The following PGPEP1 variants were observed in gnomAD, a reference collection of about 807,000 sequenced individuals.
PGPEP1 encodes the protein pyroglutamyl-peptidase 1.
PGPEP1 carries 15 observed loss-of-function variants against 24.1 expected under a neutral mutation model. The ratio of observed to expected loss-of-function variants is 0.62; its 90% CI spans 0.42 to 0.96. PGPEP1 has a LOEUF of 0.96. Among genes scored for constraint, PGPEP1 ranks in the 40% least tolerant of loss-of-function variants. The probability of loss-of-function intolerance (pLI) is 0.00; values close to 1 mark genes in which losing one functional copy is unlikely to be tolerated. For synonymous variants in PGPEP1, 122 were observed against 116.4 expected (o/e 1.05, Z -0.31); for missense variants, 242 against 273.4 (o/e 0.89, Z 0.81).
intron 1 of PGPEP1, among the ~76,000 whole-genome samples, chr19:18,342,151 C>T (rs767718994): frequency 5.9e-5 from 9 of 152,124 alleles, no homozygotes; most frequent in Non-Finnish European, 1.0e-4. Flanking sequence ...TCAGGTGATC[C>T]GCCCGCCTTG....
chr19:18,345,975 GA>G (rs1490970883), intron 2 of PGPEP1, among the ~76,000 whole-genome samples: 1 of 150,800 alleles, frequency 6.6e-6, no homozygotes, highest in East Asian at 1.9e-4. Context: ...GTGACAAAGC[GA>G]GACTCTGTCT....
At chr19:18,342,310 G>A (rs1970693676) in intron 1 of PGPEP1, among the ~76,000 whole-genome samples, 1 of 152,072 alleles carries the variant, frequency 6.6e-6, no homozygotes, top group African/African-American at 2.4e-5. Context: ...CTGGAAACTG[G>A]GCCTAGGAAA....
At chr19:18,343,978 C>T (rs545462230) in intron 2 of PGPEP1, among the ~76,000 whole-genome samples, 2 of 152,088 alleles carry the variant, frequency 1.3e-5, no homozygotes, top group South Asian at 4.2e-4. Context: ...GCCACTACCC[C>T]CGGCCAGGAT....
At chr19:18,353,803 G>T (rs1971106257) in intron 2 of PGPEP1, among the ~76,000 whole-genome samples, 1 of 152,112 alleles carries the variant, frequency 6.6e-6, no homozygotes, top group African/African-American at 2.4e-5. Flanking sequence ...CATCCACATT[G>T]TACCACGGAT....
intron 4 of PGPEP1, chr19:18,357,981 A>G (rs1421451638): frequency 2.5e-5 from 7 of 284,028 alleles, no homozygotes; most frequent in African/African-American, 1.3e-4. Context: ...GTGGTTTCAT[A>G]TAACAGAAAT....
chr19:18,341,286 C>T (rs1049755664), intron 1 of PGPEP1, among the ~76,000 whole-genome samples: 1 of 152,200 alleles, frequency 6.6e-6, no homozygotes, highest in Non-Finnish European at 1.5e-5. Flanking sequence ...GGACTGTCTT[C>T]AGCGGAAACC....
At chr19:18,362,048 TG>T in intron 4 of PGPEP1, 1 of 179,204 alleles carries the variant, frequency 5.6e-6, no homozygotes, top group Non-Finnish European at 1.1e-5. Context: ...CATAATACGA[TG>T]GGGAGCATCC....
Position 18,342,929 on chromosome 19 carries a change from G to T in PGPEP1, c.87+18G>T, listed in dbSNP as rs1327479014. On this transcript the variant is annotated intron_variant, in intron 2 of 4. Coordinates refer to ENST00000269919, the MANE Select transcript of PGPEP1 (RefSeq NM_017712.4). Reference sequence around the variant, plus strand: ...CAGTTCAGGTAACTTAGATCCGGAGGGTGGGAGTCAGGCTTGGAGCTGGGC... The same window carrying T: ...CAGTTCAGGTAACTTAGATCCGGAGTGTGGGAGTCAGGCTTGGAGCTGGGC... 6.2e-7 allele frequency: 1 copy of T among 1,605,998 alleles called. No individual in the cohort carries two copies. The highest frequency in any genetic ancestry group is 1.3e-5 in the African/African-American group (1 of 74,724).
rs1400886320 is a variant in PGPEP1 at position 18,369,430 on chromosome 19, G to C, written c.*5847G>C. 6.6e-6 allele frequency: 1 copy of C among 152,512 alleles called. No individual in the cohort carries two copies. Among genetic ancestry groups the C allele is most frequent in the East Asian group, 1.9e-4 (1 of 5,206 alleles). The allele number at this position is 152,512 out of a possible 1,614,324, so 9.4% of individuals were successfully genotyped here. A position where few individuals can be genotyped will look rare whatever the true frequency, so the allele number is the denominator to read the frequency against. On this transcript the variant is annotated 3_prime_UTR_variant, in exon 5 of 5. Transcript: ENST00000269919. Reference sequence around the variant, plus strand: ...AGTGGCCGTGGCTCCTGACGATCCAGACCAGCGTCTGGCCCAAGCCATTCA... The same window carrying C: ...AGTGGCCGTGGCTCCTGACGATCCACACCAGCGTCTGGCCCAAGCCATTCA...
At chr19:18,346,633 CTTTTTTTTT>C (rs775309565) in intron 2 of PGPEP1, among the ~76,000 whole-genome samples, 14 of 79,534 alleles carry the variant, frequency 1.8e-4, no homozygotes, top group African/African-American at 5.6e-4. Context: ...CTGTTTCTCT[CTTTTTTTTT>C]TTTTTTTTTT....
chr19:18,355,013 G>T (rs1362725143), intron 2 of PGPEP1, among the ~76,000 whole-genome samples: 1 of 135,050 alleles, frequency 7.4e-6, no homozygotes, highest in Non-Finnish European at 1.5e-5. Context: ...CTGTCACCCA[G>T]GCTGGAGTGC....
rs201093033 is a variant in PGPEP1, at chr19:18,355,975, A to C, written c.168A>C (p.Arg56Ser). 30 of 1,613,072 alleles carry C rather than the reference A, an allele frequency of 1.9e-5. No individual in the cohort carries two copies. Among genetic ancestry groups the C allele is most frequent in the Non-Finnish European group, 2.5e-5 (30 of 1,179,258 alleles). Reference protein sequence around the residue: ...EIPVEYQTVQRLIPALWEKHS... With the variant: ...EIPVEYQTVQSLIPALWEKHS... The stretch of plus-strand genomic sequence containing the variant: ...CGGTTGAGTACCAAACAGTCCAGAG[A>C]CTCATCCCCGCCCTGTGGGAGAAGC... The change falls in exon 3 of 5, where the codon AGA becomes AGC. Residue 56 changes from arginine to serine, a missense_variant. Physicochemically the swap from Arg to Ser is moderately radical, Grantham distance 110. Coordinates refer to ENST00000269919, the MANE Select transcript of PGPEP1 (RefSeq NM_017712.4).
At chr19:18,350,960 C>G (rs1053423211) in intron 2 of PGPEP1, among the ~76,000 whole-genome samples, 1 of 151,124 alleles carries the variant, frequency 6.6e-6, no homozygotes, top group African/African-American at 2.4e-5. Context: ...AATGGAAAAG[C>G]AGCAGTAAAT....
Position 18,365,156 on chromosome 19 carries a change from G to A in PGPEP1, c.*1573G>A, listed in dbSNP as rs184786150. ...GATGACGTAAACTTCCTCAGATGATGTAAGTTCAGCCACATCTTGCTGCCC... is the reference window on the plus strand; with the variant it reads ...GATGACGTAAACTTCCTCAGATGATATAAGTTCAGCCACATCTTGCTGCCC... On this transcript the variant is annotated 3_prime_UTR_variant, in exon 5 of 5. Transcript: ENST00000269919. 1 of 152,242 alleles carries A rather than the reference G, an allele frequency of 6.6e-6. No individual in the cohort carries two copies. Among genetic ancestry groups the A allele is most frequent in the Non-Finnish European group, 1.5e-5 (1 of 68,018 alleles). 9.4% of individuals were successfully genotyped at this position (152,242 alleles called of 1,614,324 possible).
intron 2 of PGPEP1, among the ~76,000 whole-genome samples, chr19:18,346,060 T>C (rs1970835706): frequency 6.6e-6 from 1 of 151,920 alleles, no homozygotes; most frequent in Non-Finnish European, 1.5e-5. Flanking sequence ...TCTCTGGTTC[T>C]TCCTCGCATT....
Position 18,341,390 on chromosome 19 carries a change from C to G in PGPEP1, c.34+675C>G, listed in dbSNP as rs368283888. 1.9e-4 allele frequency among the ~76,000 whole-genome samples: 29 copies of G among 152,318 alleles called. No homozygotes were observed. The South Asian group carries it at 5.8e-3, about 30-fold the overall frequency. ...CCCCCAAACCAACTGTTTCTCCTCC[C>G]TGAGACTCCGCCTCGGGGCCACGTG... On this transcript the variant is annotated intron_variant, in intron 1 of 4. Transcript: ENST00000269919.
chr19:18,362,445 G>A (rs1286850819), intron 4 of PGPEP1, among the ~76,000 whole-genome samples: 4 of 151,494 alleles, frequency 2.6e-5, no homozygotes, highest in Non-Finnish European at 5.9e-5. Flanking sequence ...TGGAAATAGG[G>A]CCAGGCACGG....
In PGPEP1 at chr19:18,358,058, G is replaced by A. The variant is rs1034014299; in HGVS notation, c.437+443G>A. Reference sequence around the variant, plus strand: ...GGTGGTAGCAGGACTGGTTCCTTCTGGAGGTGCTGAGGGTGAGTCTGTCCC... The same window carrying A: ...GGTGGTAGCAGGACTGGTTCCTTCTAGAGGTGCTGAGGGTGAGTCTGTCCC... On this transcript the variant is annotated intron_variant, in intron 4 of 4. Transcript: ENST00000269919. The A allele has an allele frequency of 6.3e-5, 13 of 206,694 alleles. No individual in the cohort carries two copies. The South Asian group carries it at 7.1e-4, about 11-fold the overall frequency. The allele number at this position is 206,694 out of a possible 1,614,324, so 12.8% of individuals were successfully genotyped here.
At chr19:18,349,401 T>A (rs1970955427) in intron 2 of PGPEP1, among the ~76,000 whole-genome samples, 1 of 151,436 alleles carries the variant, frequency 6.6e-6, no homozygotes, top group Non-Finnish European at 1.5e-5. Context: ...CCTCAAGCAA[T>A]CCTCCTGCCT....
Sources: allele counts gnomAD v4.1 joint callset (sites outside exome capture counted in the v4.1 genomes callset), GRCh38; gene constraint gnomAD v4.1.1; transcripts MANE v1.5; gene names NCBI Gene and HGNC (gene_info 2026-07-23, HGNC 2026-07-21).